Variants in DNAAF1 observed in about 807,000 individuals in gnomAD.
DNAAF1 encodes dynein assembly factor 1, axonemal.
Under a neutral mutation model 71.1 loss-of-function variants are expected in DNAAF1, and 65 were observed. The observed-to-expected ratio is 0.91, with a 90% confidence interval of 0.75 to 1.12. DNAAF1 has a LOEUF of 1.12. Among genes scored for constraint, DNAAF1 ranks in the 50% most tolerant of loss-of-function variants. The pLI, the probability that DNAAF1 is intolerant of heterozygous loss-of-function variation, is 0.00. For missense variants in DNAAF1, 1,178 were observed against 899.8 expected, an observed-to-expected ratio of 1.31 and a Z score of -3.96; for synonymous variants, 414 against 354.6, an observed-to-expected ratio of 1.17 and a Z score of -1.88.
intron 9 of DNAAF1, chr16:84,172,745 T>TC: frequency 8.6e-7 from 1 of 1,160,354 alleles, no homozygotes; most frequent in Non-Finnish European, 1.1e-6. Flanking sequence ...GAGAGTTACA[T>TC]TGTATCATCA....
intron 7 of DNAAF1, among the ~76,000 whole-genome samples, chr16:84,168,595 T>TA (rs1235340328): frequency 6.6e-6 from 1 of 152,082 alleles, no homozygotes; most frequent in African/African-American, 2.4e-5. Flanking sequence ...CATTTTTATA[T>TA]AAAAATGGCA....
rs112706860 is a variant in DNAAF1, at chr16:84,159,632, G to A, written c.742-43G>A. On this transcript the variant is annotated intron_variant, in intron 5 of 11. Coordinates refer to ENST00000378553, the MANE Select transcript of DNAAF1 (RefSeq NM_178452.6). ...ACAGCACATATAAAATAATTCAATC[G>A]CATCTTTCAGTAATCATTTTGGTTC... 3,576 of 1,574,412 alleles carry A rather than the reference G, an allele frequency of 2.3e-3. 73 individuals carry two copies. In the African/African-American group the frequency reaches 0.042, roughly 18 times the overall value.
chr16:84,155,155 G>C (rs549556658), intron 4 of DNAAF1, among the ~76,000 whole-genome samples: 1 of 152,142 alleles, frequency 6.6e-6, no homozygotes, highest in African/African-American at 2.4e-5. Context: ...TGATCCGCCC[G>C]CCTTGGCCTC....
chr16:84,159,868 A>T lies in DNAAF1; in HGVS notation c.863+72A>T, dbSNP rs575481333. On this transcript the variant is annotated intron_variant, in intron 6 of 11. Coordinates refer to ENST00000378553, the MANE Select transcript of DNAAF1 (RefSeq NM_178452.6). ...GACCATGCTTAATATTAAACTTTTT[A>T]AATTTCTGATTCTTGAGAAATTTCA... is the stretch of plus-strand genomic sequence containing the variant. 4.1e-5 allele frequency: 65 copies of T among 1,570,112 alleles called. No homozygotes were observed. The African/African-American group carries it at 6.4e-4, about 15-fold the overall frequency.
At chr16:84,166,037 ATTTTTTTT>A (rs58906103) in intron 7 of DNAAF1, 88 bp downstream of exon 7, 19 of 1,084,232 alleles carry the variant, frequency 1.8e-5, no homozygotes, top group African/African-American at 9.8e-5. Context: ...AATCTTGGGA[ATTTTTTTT>A]TTTTTTTTTT....
chr16:84,156,944 C>T (rs1273163644), intron 5 of DNAAF1, among the ~76,000 whole-genome samples: 1 of 149,766 alleles, frequency 6.7e-6, no homozygotes, highest in Non-Finnish European at 1.5e-5. Context: ...CCTCAACCTC[C>T]TGGGCTCAAG....
chr16:84,162,833 A>G (rs1165979597), intron 6 of DNAAF1, among the ~76,000 whole-genome samples: 3 of 151,964 alleles, frequency 2.0e-5, no homozygotes, highest in Admixed American at 6.6e-5. Context: ...ACAAAAAAAA[A>G]AGAAATACCA....
At chr16:84,169,368 G>C (rs1227685863) in intron 7 of DNAAF1, among the ~76,000 whole-genome samples, 1 of 151,758 alleles carries the variant, frequency 6.6e-6, no homozygotes, top group African/African-American at 2.4e-5. Context: ...TTACAAGCAT[G>C]AGCTACCATG....
intron 5 of DNAAF1, among the ~76,000 whole-genome samples, chr16:84,157,265 G>A (rs967072044): frequency 2.0e-5 from 3 of 152,048 alleles, no homozygotes; most frequent in Admixed American, 6.6e-5. Context: ...GCCCACACCT[G>A]TAATCCCAGC....
intron 3 of DNAAF1, among the ~76,000 whole-genome samples, chr16:84,153,031 C>G (rs1342949483): frequency 2.0e-5 from 3 of 151,506 alleles, no homozygotes; most frequent in Non-Finnish European, 2.9e-5. Context: ...TTGATTCAGA[C>G]AGTAAACAGT....
chr16:84,159,893 A>G, intron 6 of DNAAF1, 97 bp downstream of exon 6: 1 of 1,446,878 alleles, frequency 6.9e-7, no homozygotes, highest in South Asian at 1.2e-5. Context: ...GAGAAATTTC[A>G]CATATCAAAA....
At chr16:84,175,174 A>T in intron 10 of DNAAF1, 1 of 223,854 alleles carries the variant, frequency 4.5e-6, no homozygotes. Context: ...CCATATTTTC[A>T]CCTTGCTGAA....
At chr16:84,156,505 C>T (rs1226374296) in intron 5 of DNAAF1, among the ~76,000 whole-genome samples, 1 of 152,198 alleles carries the variant, frequency 6.6e-6, no homozygotes, top group Non-Finnish European at 1.5e-5. Context: ...CTGCTTGCTT[C>T]TCCTTTTGTT....
Position 84,165,406 on chromosome 16 carries a change from G to A in DNAAF1, c.864-377G>A, listed in dbSNP as rs1205429696. The stretch of plus-strand genomic sequence containing the variant: ...TTGCTATGTTGCCCAGGCTGATCTC[G>A]AACTCCTGGGCTCAAGTGGTCCTCC... On this transcript the variant is annotated intron_variant, in intron 6 of 11. Coordinates refer to ENST00000378553, the MANE Select transcript of DNAAF1 (RefSeq NM_178452.6). Among the ~76,000 whole-genome samples the A allele has an allele frequency of 3.3e-5, 5 of 151,952 alleles. No individual in the cohort carries two copies. The East Asian group carries it at 5.8e-4, about 18-fold the overall frequency.
chr16:84,150,768 C>T (rs143823914), intron 3 of DNAAF1, among the ~76,000 whole-genome samples: 1,808 of 152,090 alleles, frequency 0.012, 23 homozygotes, highest in Non-Finnish European at 0.017. Context: ...TGCCCACCAC[C>T]ACGCCTTGCT....
chr16:84,145,397 G>C lies in DNAAF1; in HGVS notation c.-44G>C, dbSNP rs890724632. ...CCGTAGCGACGTCCGCCGCGAACCT[G>C]GGCCCCCCAAAGCTGCGGGGCGTTC... On this transcript the variant is annotated 5_prime_UTR_variant, in exon 1 of 12. Coordinates refer to ENST00000378553, the MANE Select transcript of DNAAF1 (RefSeq NM_178452.6). 3 of 1,565,760 alleles carry C rather than the reference G, an allele frequency of 1.9e-6. No individual in the cohort carries two copies. In the African/African-American group the frequency reaches 4.0e-5, roughly 21 times the overall value.
Position 84,155,652 on chromosome 16 carries a change from A to G in DNAAF1, c.644A>G (p.His215Arg), listed in dbSNP as rs779808450. ...NHLETVEDIQHLQECLRLCVL... is the reference protein window; with the variant it reads ...NHLETVEDIQRLQECLRLCVL... ...CTGGAGACCGTGGAGGACATTCAGC[A>G]TCTACAAGAGTGTTTGAGGCTTTGT... Residue 215 changes from histidine (H) to arginine (R), a missense_variant, in exon 5 of 12, where the codon CAT (histidine) becomes CGT (arginine). His to Arg is a conservative substitution (Grantham distance 29). Coordinates refer to ENST00000378553, the MANE Select transcript of DNAAF1 (RefSeq NM_178452.6). The G allele has an allele frequency of 1.3e-5, 21 of 1,614,184 alleles. No individual in the cohort carries two copies. Among genetic ancestry groups the G allele is most frequent in the East Asian group, 2.2e-5 (1 of 44,880 alleles).
intron 7 of DNAAF1, among the ~76,000 whole-genome samples, chr16:84,168,193 C>T (rs968043011): frequency 6.6e-6 from 1 of 152,168 alleles, no homozygotes; most frequent in Non-Finnish European, 1.5e-5. Context: ...CGCCTGCGTT[C>T]CCTGGCTCGT....
chr16:84,170,909 T>G (rs2088298632), intron 8 of DNAAF1, among the ~76,000 whole-genome samples: 1 of 152,134 alleles, frequency 6.6e-6, no homozygotes, highest in African/African-American at 2.4e-5. Flanking sequence ...CATGTTTAAT[T>G]TAACGCAATA....
Sources: allele counts gnomAD v4.1 joint callset (sites outside exome capture counted in the v4.1 genomes callset), GRCh38; gene constraint gnomAD v4.1.1; transcripts MANE v1.5; gene names NCBI Gene and HGNC (gene_info 2026-07-23, HGNC 2026-07-21).